Variants in APOH observed in about 807,000 individuals in gnomAD.
APOH encodes apolipoprotein H, also known as beta-2-glycoprotein 1.
In APOH, 48 loss-of-function variants were observed where a neutral mutation model predicts 39.8. The observed-to-expected ratio is 1.21, with a 90% CI of 0.96 to 1.54. The LOEUF is 1.54. APOH is among the 40% of genes most tolerant of loss of function. The pLI is 0.00. For synonymous variants in APOH, 153 were observed against 151.1 expected, an observed-to-expected ratio of 1.01 and a Z score of -0.09; for missense variants, 415 against 421.2, an observed-to-expected ratio of 0.99 and a Z score of 0.13.
chr17:66,212,075 G>A lies in APOH; in HGVS notation c.*58C>T, dbSNP rs2073339071. 2.8e-6 allele frequency: 4 copies of A among 1,416,472 alleles called. No individual in the cohort carries two copies. The highest frequency in any genetic ancestry group is 2.8e-5 in the African/African-American group (2 of 70,360). The allele number at this position is 1,416,472 out of a possible 1,614,324, so 87.7% of individuals were successfully genotyped here. ...TAGCTTTATTTTTAAATTTCAATTAGGTTCCTTGGATGAACAAGAAACAAG... is the reference window on the plus strand; with the variant it reads ...TAGCTTTATTTTTAAATTTCAATTAAGTTCCTTGGATGAACAAGAAACAAG... On this transcript the variant is annotated 3_prime_UTR_variant, in exon 8 of 8. Transcript: ENST00000205948.
In APOH at chr17:66,213,488, G is replaced by A. The variant is rs140802269; in HGVS notation, c.982+965C>T. On this transcript the variant is annotated intron_variant, in intron 7 of 7. Transcript: ENST00000205948. ...GCCATGAGTTGTTTTGTCACTTGGGGTGAGTTCTCTATAATGTGGGACCAA... is the reference window on the plus strand; with the variant it reads ...GCCATGAGTTGTTTTGTCACTTGGGATGAGTTCTCTATAATGTGGGACCAA... Among the ~76,000 whole-genome samples, 513 of 152,258 alleles carry A rather than the reference G, an allele frequency of 3.4e-3. 1 individual carries two copies. The highest frequency in any genetic ancestry group is 6.5e-3 in the Admixed American group (99 of 15,290).
chr17:66,229,391 C>A lies in APOH; in HGVS notation c.-12G>T. The A allele has an allele frequency of 6.2e-7, 1 of 1,612,634 alleles. No individual in the cohort carries two copies. Among genetic ancestry groups the A allele is most frequent in the South Asian group, 1.1e-5 (1 of 90,818 alleles). ...ACTGGAGAAATCATTGTGGATGAGT[C>A]ACACTGGCACTACCAAAGTGGTTTT... is the stretch of plus-strand genomic sequence containing the variant. On this transcript the variant is annotated 5_prime_UTR_variant, in exon 1 of 8. Transcript: ENST00000205948.
At position 66,226,073 on chromosome 17, in the gene APOH, G is replaced by A. The variant is rs375933687; in HGVS notation, c.293C>T (p.Thr98Met). ...GILENGAVRY[T>M]TFEYPNTISF... is the part of the protein sequence containing the mutation. ...GATCGTGTTGGGATATTCAAAAGTC[G>A]TATAGCGTACGGCTCCATTTTCTAA... The change falls in exon 3 of 8, where the codon ACG becomes ATG. Residue 98 changes from threonine to methionine, a missense_variant. Thr to Met is a moderately conservative substitution (Grantham distance 81). Coordinates refer to ENST00000205948, the MANE Select transcript of APOH (RefSeq NM_000042.3). 1.2e-5 allele frequency: 20 copies of A among 1,613,448 alleles called. No individual in the cohort carries two copies. Among genetic ancestry groups the A allele is most frequent in the African/African-American group, 2.7e-5 (2 of 74,854 alleles).
intron 5 of APOH, among the ~76,000 whole-genome samples, 171 bp downstream of exon 5, chr17:66,220,383 T>A (rs927124687): frequency 5.9e-5 from 9 of 152,196 alleles, no homozygotes; most frequent in Admixed American, 5.9e-4. Context: ...CCAGGTCTCA[T>A]TCATCGGGAA....
At chr17:66,220,450 G>T in intron 5 of APOH, 104 bp downstream of exon 5, 1 of 1,103,788 alleles carries the variant, frequency 9.1e-7, no homozygotes, top group Non-Finnish European at 1.3e-6. Flanking sequence ...AACAGCTGTT[G>T]AATGAGTTCA....
At chr17:66,226,615 C>T (rs1340337644) in intron 2 of APOH, among the ~76,000 whole-genome samples, 4 of 105,716 alleles carry the variant, frequency 3.8e-5, no homozygotes, top group African/African-American at 1.8e-4. Flanking sequence ...AGTGAGACTC[C>T]GTCTCCAAAA....
chr17:66,216,684 T>G, intron 6 of APOH, 104 bp downstream of exon 6: 1 of 1,219,382 alleles, frequency 8.2e-7, no homozygotes, highest in African/African-American at 1.5e-5. Flanking sequence ...TCCTAGCAAG[T>G]CTGAGCAACA....
chr17:66,218,559 G>A (rs2073379293), intron 5 of APOH, among the ~76,000 whole-genome samples: 2 of 151,892 alleles, frequency 1.3e-5, no homozygotes, highest in African/African-American at 2.4e-5. Flanking sequence ...CACCTGCCTC[G>A]GCCTCCCAAA....
rs752711844 is a variant in APOH at position 66,216,772 on chromosome 17, G to A, written c.784+16C>T. ...CAATTCAGAGATCTTACAGGACCTC[G>A]CCTATATTTCCATACCTTTACAACT... On this transcript the variant is annotated intron_variant, in intron 6 of 7. Transcript: ENST00000205948. The A allele has an allele frequency of 3.8e-6, 6 of 1,558,462 alleles. No homozygotes were observed. The highest frequency in any genetic ancestry group is 3.7e-5 in the South Asian group (3 of 80,734).
intron 3 of APOH, among the ~76,000 whole-genome samples, chr17:66,224,691 GGGAAAGGAAAGGAAAGGAAAGGAAA>G (rs71160544): frequency 9.1e-5 from 3 of 32,898 alleles, no homozygotes; most frequent in Non-Finnish European, 2.1e-4. Flanking sequence ...GGGAAGGGAA[GGGAAAGGAAAGGAAAGGAAAGGAAA>G]GGAAAGGAAA....
chr17:66,220,596 A>G lies in APOH; in HGVS notation c.562T>C (p.Cys188Arg), dbSNP rs2073391285. The change falls in exon 5 of 8, where the codon TGC becomes CGC. Residue 188 changes from cysteine (C) to arginine (R), a missense_variant. By Grantham distance (180) the Cys-to-Arg change is radical. Around this residue, in one of 3 missense-constraint regions of APOH, gnomAD observed 288 missense variants for 284.9 expected, o/e 1.01. Coordinates refer to ENST00000205948, the MANE Select transcript of APOH (RefSeq NM_000042.3). ...HAMFGNDTIT[C>R]TTHGNWTKLP... ...TTAGTCCAATTTCCATGTGTCGTGC[A>G]GGTAATTGTATCATTTCCAAACATC... The G allele has an allele frequency of 2.5e-6, 4 of 1,614,094 alleles. No individual in the cohort carries two copies. The highest frequency in any genetic ancestry group is 1.1e-5 in the South Asian group (1 of 91,088).
At chr17:66,216,671 G>T in intron 6 of APOH, 117 bp downstream of exon 6, 2 of 1,058,238 alleles carry the variant, frequency 1.9e-6, no homozygotes, top group Non-Finnish European at 2.7e-6. Context: ...CATGCCAGCA[G>T]TTTCCTAGCA....
chr17:66,227,522 T>C (rs1192257581), intron 2 of APOH, among the ~76,000 whole-genome samples: 1 of 152,196 alleles, frequency 6.6e-6, no homozygotes, highest in Non-Finnish European at 1.5e-5. Context: ...TGATATATTT[T>C]ACGTTATATT....
In APOH at chr17:66,221,337, A is replaced by T. The variant is rs537701026; in HGVS notation, c.416-595T>A. 6.7e-4 allele frequency among the ~76,000 whole-genome samples: 86 copies of T among 128,016 alleles called. 1 individual carries two copies. The highest frequency in any genetic ancestry group is 2.6e-3 in the African/African-American group (86 of 33,056). The allele number at this position is 128,016 out of a possible 152,430, so 84.0% of individuals were successfully genotyped here. A position where few individuals can be genotyped will look rare whatever the true frequency, so the allele number is the denominator to read the frequency against. The stretch of plus-strand genomic sequence containing the variant: ...GGGAAGAAAGGAAGGAAAGAAAGAA[A>T]GAAAGGAAAGAAAGAAAGAGGAGGG... On this transcript the variant is annotated intron_variant, in intron 4 of 7. Coordinates refer to ENST00000205948, the MANE Select transcript of APOH (RefSeq NM_000042.3).
intron 4 of APOH, among the ~76,000 whole-genome samples, chr17:66,222,614 C>A (rs1240454842): frequency 6.9e-6 from 1 of 144,986 alleles, no homozygotes. Flanking sequence ...TCTTGTTGCC[C>A]AGGCTGGAGT....
chr17:66,228,017 TA>T lies in APOH; in HGVS notation c.241+2del, dbSNP rs746036199. The stretch of plus-strand genomic sequence containing the variant: ...GAGAATGTGAGAGAAGGTACTGACT[TA>T]CGTGTACATTTCAGAGTGTTGATGG... On this transcript the variant is annotated splice_donor_variant, in intron 2 of 7. Transcript: ENST00000205948. LOFTEE classifies it high-confidence loss of function. 6.2e-7 allele frequency: 1 copy of T among 1,612,142 alleles called. No individual in the cohort carries two copies. The highest frequency in any genetic ancestry group is 1.3e-5 in the African/African-American group (1 of 74,862).
chr17:66,216,979 A>T lies in APOH; in HGVS notation c.605-12T>A. 6.3e-7 allele frequency: 1 copy of T among 1,576,516 alleles called. No individual in the cohort carries two copies. The highest frequency in any genetic ancestry group is 8.6e-7 in the Non-Finnish European group (1 of 1,162,824). On this transcript the variant is annotated splice_polypyrimidine_tract_variant and intron_variant, in intron 5 of 7. Coordinates refer to ENST00000205948, the MANE Select transcript of APOH (RefSeq NM_000042.3). ...TGGGCATTTTACTTCTAAAACATTT[A>T]TTCAATAAGACATATTAGTAATAAA...
At chr17:66,220,513 C>T in intron 5 of APOH, 41 bp downstream of exon 5, 1 of 1,583,600 alleles carries the variant, frequency 6.3e-7, no homozygotes, top group South Asian at 1.1e-5. Context: ...CAAATGGGAT[C>T]TTGCCCTACC....
At chr17:66,212,762 A>G in intron 7 of APOH, among the ~76,000 whole-genome samples, 1 of 152,220 alleles carries the variant, frequency 6.6e-6, no homozygotes, top group East Asian at 1.9e-4. Flanking sequence ...AAAGGGGAAA[A>G]AACAGTATCG....
Sources: gnomAD v4.1 joint callset for allele counts (sites outside exome capture counted in the v4.1 genomes callset) on GRCh38, gnomAD v4.1.1 for gene constraint, gnomAD v4.1.1 regional missense constraint, MANE v1.5 for transcripts, NCBI Gene and HGNC (gene_info 2026-07-23, HGNC 2026-07-21) for gene names.